Variants in VGLL4 observed in about 807,000 individuals in gnomAD.
The protein encoded by VGLL4 is vestigial like family member 4, also known as transcription cofactor vestigial-like protein 4.
VGLL4 carries 7 observed loss-of-function variants against 21.0 expected under a neutral mutation model. That is an observed-to-expected ratio of 0.33 (90% CI 0.19 to 0.63). VGLL4 has a LOEUF of 0.63. Ranked by LOEUF, VGLL4 falls within the 20% of genes least tolerant of loss-of-function variation. The probability of loss-of-function intolerance (pLI) is 0.78; values close to 1 mark genes in which losing one functional copy is unlikely to be tolerated. For missense variants in VGLL4, 394 were observed against 425.7 expected (o/e 0.93, Z 0.66); for synonymous variants, 222 against 173.2 (o/e 1.28, Z -2.21).
intron 3 of VGLL4, among the ~76,000 whole-genome samples, chr3:11,562,554 G>C (rs559734949): frequency 1.1e-4 from 16 of 152,342 alleles, no homozygotes; most frequent in African/African-American, 3.4e-4. Flanking sequence ...TCCAGGAAGA[G>C]ACCTCGGAGC....
intron 2 of VGLL4, among the ~76,000 whole-genome samples, chr3:11,674,848 G>C (rs1413310855): frequency 6.6e-6 from 1 of 152,114 alleles, no homozygotes; most frequent in African/African-American, 2.4e-5. Flanking sequence ...AAGTAATAAG[G>C]GGGGGAAATG....
chr3:11,685,746 G>A (rs2076438000), intron 2 of VGLL4, among the ~76,000 whole-genome samples: 1 of 152,080 alleles, frequency 6.6e-6, no homozygotes, highest in Admixed American at 6.6e-5. Context: ...ACAACAGAAA[G>A]ACAACAACTC....
At chr3:11,658,664 T>C (rs2075991185) in intron 2 of VGLL4, among the ~76,000 whole-genome samples, 1 of 151,758 alleles carries the variant, frequency 6.6e-6, no homozygotes, top group Non-Finnish European at 1.5e-5. Flanking sequence ...AGCCGGCATG[T>C]GGCACGCTAT....
chr3:11,638,852 C>G (rs986321148), intron 1 of VGLL4, among the ~76,000 whole-genome samples: 3 of 152,148 alleles, frequency 2.0e-5, no homozygotes, highest in Admixed American at 2.0e-4. Context: ...AACAAAAGAT[C>G]ACAGGGTCTC....
chr3:11,601,873 C>G lies in VGLL4; in HGVS notation c.232G>C (p.Asp78His). The G allele has an allele frequency of 6.2e-7, 1 of 1,613,686 alleles. No homozygotes were observed. The highest frequency in any genetic ancestry group is 8.5e-7 in the Non-Finnish European group (1 of 1,179,876). ...PGDEDLDCDNDHVSKMSRIFN... is the reference protein window; with the variant it reads ...PGDEDLDCDNHHVSKMSRIFN... ...ATGCGACTCATTTTGGAGACGTGGT[C>G]GTTGTCACAGTCTAGGTCCTCGTCA... The change falls in exon 2 of 5, where the codon GAC (aspartate) becomes CAC (histidine). Residue 78 changes from aspartate to histidine, a missense_variant. Physicochemically the swap from Asp to His is moderately conservative, Grantham distance 81 (BLOSUM62 -1). Coordinates refer to ENST00000430365, the MANE Select transcript of VGLL4 (RefSeq NM_001128219.3).
chr3:11,707,105 C>T (rs1486148440), intron 1 of VGLL4, among the ~76,000 whole-genome samples: 1 of 150,502 alleles, frequency 6.6e-6, no homozygotes, highest in Admixed American at 6.6e-5. Flanking sequence ...TGCTTGAGCT[C>T]AGCAGTTGGA....
chr3:11,606,507 C>A (rs1056973002), intron 1 of VGLL4, among the ~76,000 whole-genome samples: 3 of 152,192 alleles, frequency 2.0e-5, no homozygotes, highest in Admixed American at 6.5e-5. Context: ...AGAGGTGAGG[C>A]CAGCTGGACT....
chr3:11,596,898 A>G (rs763185929), intron 2 of VGLL4, among the ~76,000 whole-genome samples: 2 of 152,200 alleles, frequency 1.3e-5, no homozygotes, highest in Non-Finnish European at 2.9e-5. Flanking sequence ...TAGCACCTGG[A>G]TCTGGGCTTC....
chr3:11,575,224 G>C (rs1227785623), intron 2 of VGLL4, among the ~76,000 whole-genome samples: 1 of 152,194 alleles, frequency 6.6e-6, no homozygotes, highest in South Asian at 2.1e-4. Context: ...TGTGGTGCGA[G>C]AGGGAAGGCG....
chr3:11,647,645 T>C (rs2075812330), upstream of VGLL4, among the ~76,000 whole-genome samples: 1 of 152,170 alleles, frequency 6.6e-6, no homozygotes, highest in Non-Finnish European at 1.5e-5. Flanking sequence ...TCATTTCAGA[T>C]TTTTGGATTA....
At chr3:11,583,550 AAG>A (rs1227004647) in intron 2 of VGLL4, among the ~76,000 whole-genome samples, 4 of 152,236 alleles carry the variant, frequency 2.6e-5, no homozygotes, top group Non-Finnish European at 5.9e-5. Flanking sequence ...GGTACTCAAC[AAG>A]AGACTATCAA....
At chr3:11,676,339 A>T (rs992202536) in intron 2 of VGLL4, among the ~76,000 whole-genome samples, 2 of 151,644 alleles carry the variant, frequency 1.3e-5, no homozygotes, top group African/African-American at 4.9e-5. Flanking sequence ...GTGAGCCGAG[A>T]TTGCACCACT....
At chr3:11,694,033 T>C (rs1375984981) in intron 2 of VGLL4, among the ~76,000 whole-genome samples, 5 of 152,190 alleles carry the variant, frequency 3.3e-5, no homozygotes, top group Non-Finnish European at 5.9e-5. Flanking sequence ...TAAGTGTACC[T>C]GGGCAAACTA....
intron 1 of VGLL4, among the ~76,000 whole-genome samples, chr3:11,616,500 T>G (rs1321520423): frequency 1.4e-5 from 2 of 147,846 alleles, no homozygotes; most frequent in Non-Finnish European, 3.0e-5. Context: ...CCTGTCCTTG[T>G]CCTTTGCTAT....
chr3:11,648,735 ATTT>A (rs374234828), upstream of VGLL4, among the ~76,000 whole-genome samples: 5 of 152,346 alleles, frequency 3.3e-5, 1 homozygote, highest in African/African-American at 1.2e-4. Flanking sequence ...TCTGAATAAC[ATTT>A]TTTAAGAGCA....
chr3:11,719,520 G>C lies in VGLL4; in HGVS notation c.-14+874C>G, dbSNP rs2076964376. The C allele has an allele frequency of 1.3e-5, 2 of 151,234 alleles. No individual in the cohort carries two copies. The highest frequency in any genetic ancestry group is 1.3e-4 in the Admixed American group (2 of 15,166). 9.4% of individuals were successfully genotyped at this position (151,234 alleles called of 1,614,324 possible). ...CACGCGGGGCGCACCCCGAGGGCGC[G>C]CAGACGCACAGGCGGGCTCGCGCCC... On this transcript the variant is annotated intron_variant, in intron 1 of 5. Transcript: ENST00000273038. This position sits in a 1 kb window ranked among gnomAD's most constrained non-coding sequence, Gnocchi z 4.0.
chr3:11,558,389 G>GC lies in VGLL4; in HGVS notation c.*166dup, dbSNP rs1056502750. 8.7e-7 allele frequency: 1 copy of GC among 1,153,842 alleles called. No individual in the cohort carries two copies. The highest frequency in any genetic ancestry group is 1.6e-5 in the African/African-American group (1 of 64,116). The allele number at this position is 1,153,842 out of a possible 1,614,324, so 71.5% of individuals were successfully genotyped here. A position where few individuals can be genotyped will look rare whatever the true frequency, so the allele number is the denominator to read the frequency against. On this transcript the variant is annotated 3_prime_UTR_variant, in exon 5 of 5. Coordinates refer to ENST00000430365, the MANE Select transcript of VGLL4 (RefSeq NM_001128219.3). ...GAGGGCCCCCTTGTACGGATACCAAGCAAGTACAAAAACAGAACACAAATC... is the reference window on the plus strand; with the variant it reads ...GAGGGCCCCCTTGTACGGATACCAAGCCAAGTACAAAAACAGAACACAAATC...
intron 4 of VGLL4, 52 bp downstream of exon 4, chr3:11,559,280 C>A: frequency 3.4e-6 from 5 of 1,480,176 alleles, no homozygotes; most frequent in Non-Finnish European, 4.5e-6. Context: ...CAGAGAAGGG[C>A]TCTGCTGCCA....
chr3:11,695,921 G>A (rs2076601294), intron 2 of VGLL4, among the ~76,000 whole-genome samples: 1 of 152,154 alleles, frequency 6.6e-6, no homozygotes, highest in Non-Finnish European at 1.5e-5. Flanking sequence ...AGAAGAGCTG[G>A]CAGAAAAACG....
Sources: gnomAD v4.1 joint callset for allele counts (sites outside exome capture counted in the v4.1 genomes callset) on GRCh38, gnomAD v4.1.1 for gene constraint, Gnocchi (gnomAD v3.1) non-coding constraint, MANE v1.5 for transcripts, NCBI Gene and HGNC (gene_info 2026-07-23, HGNC 2026-07-21) for gene names.